VCPIP1: variants seen among roughly 807,000 people sequenced by gnomAD.
VCPIP1 encodes valosin containing protein interacting protein 1.
Under a neutral mutation model 85.0 loss-of-function variants are expected in VCPIP1, and 8 were observed. The ratio of observed to expected loss-of-function variants is 0.09; its 90% CI spans 0.06 to 0.17. The LOEUF is 0.17. Ranked by LOEUF, VCPIP1 falls within the 10% of genes least tolerant of loss-of-function variation. The pLI, the probability that VCPIP1 is intolerant of heterozygous loss-of-function variation, is 1.00. For missense variants in VCPIP1, 1,070 were observed against 1,486.3 expected (o/e 0.72, Z 4.61); for synonymous variants, 543 against 544.5 (o/e 1.00, Z 0.04).
Position 66,664,402 on chromosome 8 carries a change from T to C in VCPIP1, c.2557A>G (p.Ser853Gly). The change falls in exon 1 of 3, where the codon AGT (serine) becomes GGT (glycine). Residue 853 changes from serine (S) to glycine (G), a missense_variant. By Grantham distance (56) the Ser-to-Gly change is moderately conservative (BLOSUM62 0). Transcript: ENST00000310421. ...GCAGACTGACCACCTTCAGCTTTACTTTTTAGAATTTCTATTGTAATTCTG... is the reference window on the plus strand; with the variant it reads ...GCAGACTGACCACCTTCAGCTTTACCTTTTAGAATTTCTATTGTAATTCTG... ...GDRITIEILK[S>G]KAEGGQSAAA... 6.2e-7 allele frequency: 1 copy of C among 1,613,844 alleles called. No individual in the cohort carries two copies. The highest frequency in any genetic ancestry group is 1.1e-5 in the South Asian group (1 of 91,086).
At chr8:66,649,339 C>G (rs1251625989) in intron 2 of VCPIP1, among the ~76,000 whole-genome samples, 1 of 151,848 alleles carries the variant, frequency 6.6e-6, no homozygotes, top group African/African-American at 2.4e-5. Context: ...GGCGAAACCC[C>G]ATCTCAACTA....
intron 1 of VCPIP1, among the ~76,000 whole-genome samples, chr8:66,663,551 G>A (rs1163847368): frequency 1.3e-5 from 2 of 152,026 alleles, no homozygotes; most frequent in Non-Finnish European, 2.9e-5. Context: ...TTACACATTT[G>A]GTTAATATAT....
rs1424495171 is a variant in VCPIP1, at chr8:66,631,929, C to T, written c.*2572G>A. 1 of 152,334 alleles carries T rather than the reference C, an allele frequency of 6.6e-6. No individual in the cohort carries two copies. Among genetic ancestry groups the T allele is most frequent in the African/African-American group, 2.4e-5 (1 of 41,370 alleles). 9.4% of individuals were successfully genotyped at this position (152,334 alleles called of 1,614,324 possible). ...CTTCAACACTACCTGGACTTTAGGT[C>T]ATCAACTTAAATTTGGTATGATTAA... On this transcript the variant is annotated 3_prime_UTR_variant, in exon 3 of 3. Coordinates refer to ENST00000310421, the MANE Select transcript of VCPIP1 (RefSeq NM_025054.5).
At chr8:66,636,772 T>C (rs1252198219) in intron 2 of VCPIP1, among the ~76,000 whole-genome samples, 3 of 151,726 alleles carry the variant, frequency 2.0e-5, no homozygotes, top group Admixed American at 2.0e-4. Context: ...TAAATAATGC[T>C]TGAACCCAAG....
chr8:66,639,496 A>G (rs1412797807), intron 2 of VCPIP1, among the ~76,000 whole-genome samples: 2 of 151,334 alleles, frequency 1.3e-5, no homozygotes, highest in African/African-American at 4.9e-5. Flanking sequence ...CTAGGATTAC[A>G]GGGGCCTGCC....
chr8:66,665,909 G>A lies in VCPIP1; in HGVS notation c.1050C>T (p.Ser350=), dbSNP rs117246146. 5.4e-4 allele frequency: 874 copies of A among 1,614,112 alleles called. No individual in the cohort carries two copies. The highest frequency in any genetic ancestry group is 1.2e-3 in the Middle Eastern group (7 of 6,060). Residue 350 remains serine (S), a synonymous_variant, in exon 1 of 3, where the codon TCC becomes TCT. Coordinates refer to ENST00000310421, the MANE Select transcript of VCPIP1 (RefSeq NM_025054.5). This position sits in a 1 kb window ranked among gnomAD's most constrained non-coding sequence, Gnocchi z 4.3. ...NKPICIAWSS[S]GRNHYIPLVG... Reference sequence around the variant, plus strand: ...CCAAGGGGATATAATGGTTTCTACCGGAGCTGCTCCATGCAATACAGATTG... The same window carrying A: ...CCAAGGGGATATAATGGTTTCTACCAGAGCTGCTCCATGCAATACAGATTG...
intron 2 of VCPIP1, among the ~76,000 whole-genome samples, chr8:66,645,246 C>T (rs986027737): frequency 4.0e-5 from 6 of 151,798 alleles, no homozygotes; most frequent in Non-Finnish European, 8.8e-5. Flanking sequence ...AGTGAAACCC[C>T]GTCTCTACTA....
At chr8:66,643,006 A>G (rs1298636020) in intron 2 of VCPIP1, among the ~76,000 whole-genome samples, 1 of 152,196 alleles carries the variant, frequency 6.6e-6, no homozygotes, top group African/African-American at 2.4e-5. Flanking sequence ...AGTAGAATGA[A>G]ATGAAAGATA....
At position 66,634,986 on chromosome 8, in the gene VCPIP1, T is replaced by G. The variant is rs1386368340; in HGVS notation, c.3184A>C (p.Asn1062His). 2 of 1,613,558 alleles carry G rather than the reference T, an allele frequency of 1.2e-6. No individual in the cohort carries two copies. Among genetic ancestry groups the G allele is most frequent in the Non-Finnish European group, 1.7e-6 (2 of 1,179,514 alleles). Residue 1062 changes from asparagine to histidine, a missense_variant, in exon 3 of 3, where the codon AAT (asparagine) becomes CAT (histidine). Physicochemically the swap from Asn to His is moderately conservative, Grantham distance 68. Transcript: ENST00000310421. ...GAAGGCTCTGTTTTAGTGGAACTAT[T>G]ACTAAAGTCTGTCCCTGTATTATGC... ...RKHNTGTDFS[N>H]SSTKTEPSVF...
chr8:66,663,220 T>C (rs1031091549), intron 1 of VCPIP1, among the ~76,000 whole-genome samples: 5 of 152,120 alleles, frequency 3.3e-5, no homozygotes, highest in Non-Finnish European at 5.9e-5. Context: ...GGGTTCTAAA[T>C]TTGTGCAGGG....
rs758526132 is a variant in VCPIP1, at chr8:66,665,021, T to C, written c.1938A>G (p.Lys646=). ...TCTGATGCAATATAGTGTGGACAACTTTCTGAACTAGGATTTCACTCCCAA... is the reference window on the plus strand; with the variant it reads ...TCTGATGCAATATAGTGTGGACAACCTTCTGAACTAGGATTTCACTCCCAA... ...GEFGSEILVQ[K]VVHTILHQTA... is the part of the protein sequence containing the mutation. Residue 646 remains lysine (K), a synonymous_variant, in exon 1 of 3, where the codon AAA becomes AAG. Transcript: ENST00000310421. The surrounding 1 kb of genome is among the most constrained non-coding windows in gnomAD (Gnocchi z 4.3). 12 of 1,613,882 alleles carry C rather than the reference T, an allele frequency of 7.4e-6. No individual in the cohort carries two copies. The highest frequency in any genetic ancestry group is 1.0e-5 in the Non-Finnish European group (12 of 1,179,820).
chr8:66,637,181 C>G (rs1204626106), intron 2 of VCPIP1, among the ~76,000 whole-genome samples: 3 of 151,476 alleles, frequency 2.0e-5, no homozygotes, highest in Non-Finnish European at 4.4e-5. Context: ...AGACCCTGGT[C>G]TCTACAAAAA....
intron 2 of VCPIP1, among the ~76,000 whole-genome samples, chr8:66,636,521 G>T (rs1317178549): frequency 6.6e-6 from 1 of 151,852 alleles, no homozygotes; most frequent in Non-Finnish European, 1.5e-5. Context: ...AAGGTGGGCA[G>T]ATCATGAGGT....
Position 66,667,185 on chromosome 8 carries a change from A to AC in VCPIP1, c.-228dup. ...CCCCGAACGTAACGGCCACCACCCC[A>AC]CCCCGCACTCACACTCACTCACTCT... On this transcript the variant is annotated 5_prime_UTR_variant, in exon 1 of 3. Coordinates refer to ENST00000310421, the MANE Select transcript of VCPIP1 (RefSeq NM_025054.5). 1 of 838,582 alleles carries AC rather than the reference A, an allele frequency of 1.2e-6. No homozygotes were observed. Among genetic ancestry groups the AC allele is most frequent in the Non-Finnish European group, 1.7e-6 (1 of 584,332 alleles). The allele number at this position is 838,582 out of a possible 1,614,324, so 51.9% of individuals were successfully genotyped here.
At chr8:66,664,073 T>A (rs1352064376) in intron 1 of VCPIP1, among the ~76,000 whole-genome samples, 176 bp downstream of exon 1, 1 of 152,228 alleles carries the variant, frequency 6.6e-6, no homozygotes, top group African/African-American at 2.4e-5. Context: ...TAATAGTTAC[T>A]CAATAATCCT....
At chr8:66,644,461 A>G (rs1288712435) in intron 2 of VCPIP1, among the ~76,000 whole-genome samples, 1 of 152,230 alleles carries the variant, frequency 6.6e-6, no homozygotes, top group African/African-American at 2.4e-5. Flanking sequence ...GTAGGAAAAG[A>G]GCATCTCACA....
chr8:66,639,786 C>T (rs2130151157), intron 2 of VCPIP1, among the ~76,000 whole-genome samples: 1 of 152,130 alleles, frequency 6.6e-6, no homozygotes, highest in Admixed American at 6.5e-5. Flanking sequence ...ATGCTCCTTT[C>T]CTGTTTTTGG....
chr8:66,656,371 T>G (rs1426139160), intron 1 of VCPIP1, among the ~76,000 whole-genome samples: 32 of 152,120 alleles, frequency 2.1e-4, no homozygotes, highest in Admixed American at 2.1e-3. Flanking sequence ...GTTTATTTAT[T>G]TTTTGGAGAC....
At chr8:66,638,816 T>C (rs934436773) in intron 2 of VCPIP1, among the ~76,000 whole-genome samples, 1 of 151,900 alleles carries the variant, frequency 6.6e-6, no homozygotes, top group East Asian at 1.9e-4. Flanking sequence ...TAGAAGAAGG[T>C]ATACAGCATA....
Sources: allele counts gnomAD v4.1 joint callset (sites outside exome capture counted in the v4.1 genomes callset), GRCh38; gene constraint gnomAD v4.1.1; non-coding constraint Gnocchi (gnomAD v3.1); transcripts MANE v1.5; gene names NCBI Gene and HGNC (gene_info 2026-07-23, HGNC 2026-07-21).